The following CCNY variants were observed in gnomAD, a reference collection of about 807,000 sequenced individuals.
CCNY encodes the protein cyclin Y.
Under a neutral mutation model 42.8 loss-of-function variants are expected in CCNY, and 19 were observed. The observed-to-expected ratio is 0.44, with a 90% confidence interval of 0.31 to 0.65. The LOEUF (loss-of-function observed/expected upper bound fraction) is 0.65, where lower values mean the gene tolerates loss of function less well. CCNY is among the 30% of genes least tolerant of loss of function. CCNY has a pLI of 0.07. For missense variants in CCNY, 370 were observed against 437.3 expected, an observed-to-expected ratio of 0.85 and a Z score of 1.37; for synonymous variants, 165 against 162.7, an observed-to-expected ratio of 1.01 and a Z score of -0.11.
At chr10:35,340,284 A>C (rs1315660204) in intron 1 of CCNY, among the ~76,000 whole-genome samples, 2 of 152,164 alleles carry the variant, frequency 1.3e-5, no homozygotes, top group East Asian at 1.9e-4. Flanking sequence ...TTGTCATTGC[A>C]GTCATATCCA....
chr10:35,558,368 A>G (rs549542338), intron 8 of CCNY, among the ~76,000 whole-genome samples: 2 of 152,342 alleles, frequency 1.3e-5, no homozygotes, highest in East Asian at 1.9e-4. Context: ...GAGTGAAATG[A>G]AAGTTACAGA....
intron 3 of CCNY, among the ~76,000 whole-genome samples, chr10:35,514,217 C>T (rs574856280): frequency 1.3e-5 from 2 of 152,234 alleles, no homozygotes; most frequent in East Asian, 1.9e-4. Context: ...GTAGTCCTGA[C>T]AGTCAATAAA....
intron 3 of CCNY, 160 bp downstream of exon 3, chr10:35,501,695 A>G (rs1840113640): frequency 6.2e-6 from 4 of 642,902 alleles, no homozygotes; most frequent in African/African-American, 1.8e-5. Context: ...TTGGACAAGC[A>G]TCACTCAGTA....
At chr10:35,442,581 G>C (rs1331183258) in intron 1 of CCNY, among the ~76,000 whole-genome samples, 1 of 152,312 alleles carries the variant, frequency 6.6e-6, no homozygotes, top group Middle Eastern at 3.4e-3. Context: ...GAACTTTTTA[G>C]TTAAGGGAAA....
intron 1 of CCNY, among the ~76,000 whole-genome samples, chr10:35,470,654 ACTGCAGTAGCAGCACTTGG>A (rs1399139303): frequency 6.6e-6 from 1 of 152,208 alleles, no homozygotes; most frequent in Non-Finnish European, 1.5e-5. Context: ...ATTAACCAGA[ACTGCAGTAGCAGCACTTGG>A]CTGCGGCAGC....
chr10:35,544,053 A>T (rs1040678731), intron 7 of CCNY, among the ~76,000 whole-genome samples: 4 of 152,258 alleles, frequency 2.6e-5, no homozygotes, highest in African/African-American at 9.6e-5. Flanking sequence ...AGTTTAAAAA[A>T]TTTTTAAAGT....
chr10:35,499,251 C>T (rs775281760), intron 2 of CCNY, among the ~76,000 whole-genome samples: 15 of 152,116 alleles, frequency 9.9e-5, no homozygotes, highest in Admixed American at 2.0e-4. Flanking sequence ...GCTGGGGAGG[C>T]GTCACAGTCA....
chr10:35,484,297 C>T (rs189227473), intron 2 of CCNY, among the ~76,000 whole-genome samples: 1 of 152,230 alleles, frequency 6.6e-6, no homozygotes, highest in Admixed American at 6.5e-5. Context: ...TAGAAAATAA[C>T]CAAACATGTT....
intron 3 of CCNY, among the ~76,000 whole-genome samples, chr10:35,282,452 G>A (rs1835308696): frequency 6.6e-6 from 1 of 151,990 alleles, no homozygotes; most frequent in Admixed American, 6.6e-5. Flanking sequence ...AACAGGCCAG[G>A]CACGGTGGCT....
At position 35,569,262 on chromosome 10, in the gene CCNY, C is replaced by T. The variant is rs930752315; in HGVS notation, c.*92C>T. Reference sequence around the variant, plus strand: ...TGGGGTGGGTTTGTTTTTGTTTTTTCTTTCCTTTTCTTTTTTTACGCATAG... The same window carrying T: ...TGGGGTGGGTTTGTTTTTGTTTTTTTTTTCCTTTTCTTTTTTTACGCATAG... On this transcript the variant is annotated 3_prime_UTR_variant, in exon 10 of 10. Coordinates refer to ENST00000374704, the MANE Select transcript of CCNY (RefSeq NM_145012.6). 1.2e-6 allele frequency: 1 copy of T among 808,000 alleles called. No homozygotes were observed. Among genetic ancestry groups the T allele is most frequent in the Non-Finnish European group, 2.1e-6 (1 of 478,592 alleles). The allele number at this position is 808,000 out of a possible 1,614,324, so 50.1% of individuals were successfully genotyped here.
Position 35,307,386 on chromosome 10 carries a change from G to A in CCNY, c.-9+56760G>A, listed in dbSNP as rs554531338. Among the ~76,000 whole-genome samples the A allele has an allele frequency of 6.1e-3, 932 of 152,324 alleles. 5 individuals are homozygous for A. The highest frequency in any genetic ancestry group is 0.018 in the South Asian group (86 of 4,830). On this transcript the variant is annotated intron_variant, in intron 3 of 11. Coordinates refer to the CCNY transcript ENST00000374706. ...CATAAACGCCATGGAGTTTAAAGAA[G>A]AATGAAATGTTTCAGCATCTGAGCT...
intron 1 of CCNY, among the ~76,000 whole-genome samples, chr10:35,351,859 G>A (rs998754936): frequency 6.6e-6 from 1 of 152,110 alleles, no homozygotes; most frequent in African/African-American, 2.4e-5. Flanking sequence ...AAAGACCAGT[G>A]CTCCTCCTGA....
chr10:35,519,819 C>G (rs1216845647), intron 4 of CCNY, among the ~76,000 whole-genome samples: 4 of 124,946 alleles, frequency 3.2e-5, no homozygotes, highest in Non-Finnish European at 6.4e-5. Context: ...GATCTCTGTC[C>G]CCAGGCTGGA....
chr10:35,560,233 C>T (rs1455755708), intron 8 of CCNY, among the ~76,000 whole-genome samples: 3 of 152,082 alleles, frequency 2.0e-5, no homozygotes, highest in Non-Finnish European at 4.4e-5. Context: ...GTGTGTTCTG[C>T]ATGTAAGATG....
chr10:35,328,744 GCT>G (rs1415357656), intron 3 of CCNY, among the ~76,000 whole-genome samples: 11 of 152,196 alleles, frequency 7.2e-5, no homozygotes, highest in Admixed American at 4.6e-4. Context: ...GTTGAATCCA[GCT>G]CTCCAACTGT....
intron 1 of CCNY, among the ~76,000 whole-genome samples, chr10:35,458,788 T>C (rs1564418996): frequency 6.6e-6 from 1 of 152,206 alleles, no homozygotes; most frequent in African/African-American, 2.4e-5. Flanking sequence ...GCCCATGCGT[T>C]TTTATCACAG....
chr10:35,504,978 A>C lies in CCNY; in HGVS notation c.264+3443A>C, dbSNP rs147304125. On this transcript the variant is annotated intron_variant, in intron 3 of 9. Coordinates refer to ENST00000374704, the MANE Select transcript of CCNY (RefSeq NM_145012.6). Reference sequence around the variant, plus strand: ...TATGAAAGATACACGTATTTTTAAAAGGCTGTGTAAAGGGATTTATGTAAA... The same window carrying C: ...TATGAAAGATACACGTATTTTTAAACGGCTGTGTAAAGGGATTTATGTAAA... 6.8e-3 allele frequency among the ~76,000 whole-genome samples: 1,038 copies of C among 152,246 alleles called. 15 individuals carry two copies. Among genetic ancestry groups the C allele is most frequent in the African/African-American group, 0.024 (989 of 41,548 alleles).
intron 1 of CCNY, among the ~76,000 whole-genome samples, chr10:35,478,126 A>T (rs1236004165): frequency 6.7e-6 from 1 of 150,058 alleles, no homozygotes; most frequent in African/African-American, 2.4e-5. Context: ...CTGCTGCTCA[A>T]GGAAATAAAA....
chr10:35,389,789 T>C (rs1837374790), intron 1 of CCNY, among the ~76,000 whole-genome samples: 1 of 152,144 alleles, frequency 6.6e-6, no homozygotes. Context: ...TTATGTTGAC[T>C]TCCATAAAAC....
Sources: gnomAD v4.1 joint callset for allele counts (sites outside exome capture counted in the v4.1 genomes callset) on GRCh38, gnomAD v4.1.1 for gene constraint, MANE v1.5 for transcripts, NCBI Gene and HGNC (gene_info 2026-07-23, HGNC 2026-07-21) for gene names.